The following POGLUT3 variants were observed in gnomAD, a reference collection of about 807,000 sequenced individuals.
POGLUT3 encodes KDEL (Lys-Asp-Glu-Leu) containing 2.
A neutral mutation model predicts 54.3 loss-of-function variants in POGLUT3; 48 were observed. The observed-to-expected ratio is 0.88, with a 90% CI of 0.70 to 1.12. The LOEUF (loss-of-function observed/expected upper bound fraction) is 1.12. Among genes scored for constraint, POGLUT3 ranks in the 50% most tolerant of loss-of-function variants. POGLUT3 has a pLI of 0.00. For synonymous variants in POGLUT3, 218 were observed against 237.4 expected, an observed-to-expected ratio of 0.92 and a Z score of 0.75; for missense variants, 629 against 618.7, an observed-to-expected ratio of 1.02 and a Z score of -0.18.
intron 2 of POGLUT3, chr11:108,486,758 A>G (rs11212673): frequency 0.017 from 4,498 of 271,280 alleles, 207 homozygotes; most frequent in African/African-American, 0.09. Flanking sequence ...GGAGAAAAAG[A>G]ACGTATTAAT....
At chr11:108,494,362 G>A (rs1459866438) in intron 1 of POGLUT3, among the ~76,000 whole-genome samples, 1 of 152,206 alleles carries the variant, frequency 6.6e-6, no homozygotes, top group Non-Finnish European at 1.5e-5. Context: ...CTAAGGTGTT[G>A]TACCATGAGG....
chr11:108,474,883 C>A lies in POGLUT3; in HGVS notation c.1468G>T (p.Asp490Tyr). 1 of 1,614,092 alleles carries A rather than the reference C, an allele frequency of 6.2e-7. No homozygotes were observed. The highest frequency in any genetic ancestry group is 1.1e-5 in the South Asian group (1 of 91,078). The change falls in exon 8 of 8, where the codon GAT (aspartate) becomes TAT (tyrosine). Residue 490 changes from aspartate (D) to tyrosine (Y), a missense_variant. Coordinates refer to ENST00000323468, the MANE Select transcript of POGLUT3 (RefSeq NM_153705.5). ...TGGCACTGGCAGATGGCTGTGCTATCTTCTGGCTGAGGAACAAGTTCCATT... is the reference window on the plus strand; with the variant it reads ...TGGCACTGGCAGATGGCTGTGCTATATTCTGGCTGAGGAACAAGTTCCATT... Reference protein sequence around the residue: ...DGMELVPQPEDSTAICQCHRK... With the variant: ...DGMELVPQPEYSTAICQCHRK...
chr11:108,482,533 C>T (rs1227890391), intron 3 of POGLUT3, among the ~76,000 whole-genome samples: 1 of 151,840 alleles, frequency 6.6e-6, no homozygotes, highest in Non-Finnish European at 1.5e-5. Flanking sequence ...GCGAGTGGAT[C>T]GTCAGGAGTT....
intron 1 of POGLUT3, among the ~76,000 whole-genome samples, chr11:108,497,195 G>A (rs1364073107): frequency 6.6e-6 from 1 of 152,168 alleles, no homozygotes; most frequent in Non-Finnish European, 1.5e-5. Context: ...ACCAAACACA[G>A]AAGTAGACAT....
chr11:108,485,945 A>T (rs2093602466), intron 3 of POGLUT3, among the ~76,000 whole-genome samples: 1 of 152,054 alleles, frequency 6.6e-6, no homozygotes, highest in Non-Finnish European at 1.5e-5. Context: ...GGTATGAGCC[A>T]CCATGCCTGG....
At chr11:108,491,482 C>CCCCA (rs1245956423) in intron 1 of POGLUT3, 1 of 480,536 alleles carries the variant, frequency 2.1e-6, no homozygotes. Flanking sequence ...CCTGCATCAG[C>CCCCA]CCCATGAGTA....
At chr11:108,483,148 T>C (rs570738879) in intron 3 of POGLUT3, among the ~76,000 whole-genome samples, 1 of 152,342 alleles carries the variant, frequency 6.6e-6, no homozygotes, top group South Asian at 2.1e-4. Context: ...TTAATGTCAC[T>C]ACCAAGCTTA....
chr11:108,492,955 T>C (rs2093615819), intron 1 of POGLUT3, among the ~76,000 whole-genome samples: 1 of 152,212 alleles, frequency 6.6e-6, no homozygotes, highest in Non-Finnish European at 1.5e-5. Context: ...AGTCTGGGAA[T>C]TGGAAAGCCA....
intron 1 of POGLUT3, among the ~76,000 whole-genome samples, chr11:108,497,126 A>C (rs977136193): frequency 6.6e-6 from 1 of 152,232 alleles, no homozygotes; most frequent in Non-Finnish European, 1.5e-5. Context: ...TGACCAACAG[A>C]CTGTAAGTTC....
Position 108,473,995 on chromosome 11 carries a change from T to G in POGLUT3, c.*832A>C, listed in dbSNP as rs1043077335. ...CCTTAAATATCCTTATCAGACCTTCTAAAAGGAAGCTGTTATTAATGAAAG... is the reference window on the plus strand; with the variant it reads ...CCTTAAATATCCTTATCAGACCTTCGAAAAGGAAGCTGTTATTAATGAAAG... On this transcript the variant is annotated 3_prime_UTR_variant, in exon 8 of 8. Coordinates refer to ENST00000323468, the MANE Select transcript of POGLUT3 (RefSeq NM_153705.5). The G allele has an allele frequency of 7.3e-5, 11 of 150,358 alleles. No homozygotes were observed. Among genetic ancestry groups the G allele is most frequent in the Non-Finnish European group, 1.2e-4 (8 of 67,676 alleles). The allele number at this position is 150,358 out of a possible 1,614,324, so 9.3% of individuals were successfully genotyped here.
In POGLUT3 at chr11:108,482,092, A is replaced by G; in HGVS notation, c.815T>C (p.Val272Ala). 6.2e-7 allele frequency: 1 copy of G among 1,614,180 alleles called. No homozygotes were observed. Among genetic ancestry groups the G allele is most frequent in the Non-Finnish European group, 8.5e-7 (1 of 1,180,024 alleles). ...WCGSLDSRDVVLPTYDITHSM... is the reference protein window; with the variant it reads ...WCGSLDSRDVALPTYDITHSM... The stretch of plus-strand genomic sequence containing the variant: ...GTGGGTGATGTCATACGTTGGAAGG[A>G]CAACATCTCTTGAATCCAGAGAGCC... Residue 272 changes from valine (V) to alanine (A), a missense_variant, in exon 4 of 8, where the codon GTC becomes GCC. Transcript: ENST00000323468.
At chr11:108,496,308 CT>C (rs1272670681) in intron 1 of POGLUT3, among the ~76,000 whole-genome samples, 1 of 150,412 alleles carries the variant, frequency 6.6e-6, no homozygotes, top group African/African-American at 2.5e-5. Context: ...TGACAAAGAC[CT>C]TGTCTCTTAA....
intron 3 of POGLUT3, among the ~76,000 whole-genome samples, chr11:108,484,332 C>G (rs1345771132): frequency 1.3e-5 from 2 of 152,166 alleles, no homozygotes; most frequent in Non-Finnish European, 2.9e-5. Context: ...AGATGCCCAT[C>G]ACATGCTTGT....
intron 1 of POGLUT3, among the ~76,000 whole-genome samples, chr11:108,496,711 G>A (rs1353695875): frequency 1.3e-5 from 2 of 152,180 alleles, no homozygotes; most frequent in Non-Finnish European, 2.9e-5. Context: ...GTGGTGTTCT[G>A]AATCAAATGT....
intron 3 of POGLUT3, 86 bp from the exon 4 acceptor site, chr11:108,482,308 A>G (rs904324277): frequency 3.3e-6 from 3 of 913,846 alleles, no homozygotes; most frequent in Non-Finnish European, 5.0e-6. Flanking sequence ...TTTCTTACAT[A>G]TTTTTGACAG....
chr11:108,477,398 C>CA (rs2093583893), intron 7 of POGLUT3, among the ~76,000 whole-genome samples: 1 of 151,892 alleles, frequency 6.6e-6, no homozygotes, highest in African/African-American at 2.4e-5. Flanking sequence ...GACTTCATCT[C>CA]AAAACAAACA....
intron 7 of POGLUT3, 148 bp from the exon 8 acceptor site, chr11:108,475,100 TA>T: frequency 2.6e-6 from 2 of 763,900 alleles, no homozygotes; most frequent in Non-Finnish European, 4.3e-6. Flanking sequence ...ATTCCAGTCC[TA>T]AAGTTACATT....
At chr11:108,494,092 T>A (rs1053112482) in intron 1 of POGLUT3, among the ~76,000 whole-genome samples, 4 of 152,212 alleles carry the variant, frequency 2.6e-5, no homozygotes, top group Non-Finnish European at 5.9e-5. Context: ...GAGGTAGGTA[T>A]CTGTCACTCC....
intron 1 of POGLUT3, among the ~76,000 whole-genome samples, chr11:108,495,841 C>T (rs2093621374): frequency 6.6e-6 from 1 of 151,642 alleles, no homozygotes; most frequent in African/African-American, 2.4e-5. Flanking sequence ...GCTATGTTGC[C>T]CAGGCTGAGA....
Sources: allele counts gnomAD v4.1 joint callset (sites outside exome capture counted in the v4.1 genomes callset), GRCh38; gene constraint gnomAD v4.1.1; transcripts MANE v1.5; gene names NCBI Gene and HGNC (gene_info 2026-07-23, HGNC 2026-07-21).